The following PTPRT variants were observed in gnomAD, a reference collection of about 807,000 sequenced individuals.
PTPRT encodes receptor-type tyrosine-protein phosphatase T.
A neutral mutation model predicts 176.8 loss-of-function variants in PTPRT; 56 were observed. The ratio of observed to expected loss-of-function variants is 0.32; its 90% CI spans 0.26 to 0.40. PTPRT has a LOEUF of 0.40. Among genes scored for constraint, PTPRT ranks in the 10% least tolerant of loss-of-function variants. The probability of loss-of-function intolerance (pLI) is 1.00; values close to 1 mark genes in which losing one functional copy is unlikely to be tolerated. For missense variants in PTPRT, 1,540 were observed against 1,908.2 expected, an observed-to-expected ratio of 0.81 and a Z score of 3.60; for synonymous variants, 783 against 739.0, an observed-to-expected ratio of 1.06 and a Z score of -0.96.
Position 42,963,690 on chromosome 20 carries a change from G to GTTATA in PTPRT, c.89-77759_89-77758insTATAA, listed in dbSNP as rs1982136863. On this transcript the variant is annotated intron_variant, in intron 1 of 30. Coordinates refer to ENST00000373187, the MANE Select transcript of PTPRT (RefSeq NM_007050.6). The stretch of plus-strand genomic sequence containing the variant: ...TTACCATTAACAACTGAGAAAATGA[G>GTTATA]TAAGGCTTATATAAGGGTAGGTCAA... 2.0e-5 allele frequency among the ~76,000 whole-genome samples: 3 copies of GTTATA among 152,198 alleles called. No homozygotes were observed. The East Asian group carries it at 5.8e-4, about 29-fold the overall frequency.
the PTPRT span, among the ~76,000 whole-genome samples, chr20:42,049,019 C>T: frequency 6.6e-6 from 1 of 152,138 alleles, no homozygotes; most frequent in African/African-American, 2.4e-5. Flanking sequence ...TGGGGTTTCA[C>T]CATGTTGGTC....
chr20:42,350,229 T>TGTTGGTTTG (rs760600952), intron 11 of PTPRT, among the ~76,000 whole-genome samples: 1 of 96,120 alleles, frequency 1.0e-5, no homozygotes, highest in Admixed American at 1.3e-4. Context: ...TTTTTTTTTT[T>TGTTGGTTTG]TTTTTTTTTT....
chr20:42,239,176 G>T (rs1568698477), intron 14 of PTPRT, among the ~76,000 whole-genome samples: 1 of 151,970 alleles, frequency 6.6e-6, no homozygotes, highest in African/African-American at 2.4e-5. Flanking sequence ...ACCTCTTTAG[G>T]AATAATAAAA....
intron 17 of PTPRT, among the ~76,000 whole-genome samples, chr20:42,160,841 A>T (rs906770927): frequency 6.6e-5 from 10 of 152,180 alleles, no homozygotes; most frequent in African/African-American, 2.4e-4. Flanking sequence ...GTCACTGGAG[A>T]TGAAGCATTG....
chr20:42,706,165 C>G (rs1337565374), intron 6 of PTPRT, among the ~76,000 whole-genome samples: 26 of 143,258 alleles, frequency 1.8e-4, no homozygotes, highest in African/African-American at 7.1e-4. Flanking sequence ...CTTTATCTCT[C>G]TCTCTCTCTC....
intron 7 of PTPRT, among the ~76,000 whole-genome samples, chr20:42,640,063 A>T (rs993845647): frequency 2.0e-5 from 3 of 152,104 alleles, no homozygotes; most frequent in Non-Finnish European, 4.4e-5. Context: ...GATGGAGTTC[A>T]TTCTTTACCT....
At chr20:42,730,474 T>G (rs538556179) in intron 6 of PTPRT, among the ~76,000 whole-genome samples, 1 of 152,242 alleles carries the variant, frequency 6.6e-6, no homozygotes, top group African/African-American at 2.4e-5. Flanking sequence ...GCCAAGAGAC[T>G]TTCTCATTTT....
intron 1 of PTPRT, among the ~76,000 whole-genome samples, chr20:42,985,565 C>T (rs377072449): frequency 3.7e-4 from 56 of 152,214 alleles, no homozygotes; most frequent in African/African-American, 1.3e-3. Context: ...GAACCAAGAC[C>T]CCTGCTCTTG....
chr20:42,206,422 C>A (rs544260994), intron 15 of PTPRT, among the ~76,000 whole-genome samples: 64 of 152,296 alleles, frequency 4.2e-4, no homozygotes, highest in African/African-American at 1.4e-3. Context: ...TCAGTGGGTG[C>A]GCGCACCATG....
intron 8 of PTPRT, among the ~76,000 whole-genome samples, chr20:42,457,311 C>T (rs2070940946): frequency 6.6e-6 from 1 of 152,160 alleles, no homozygotes; most frequent in African/African-American, 2.4e-5. Context: ...AATACCTTTA[C>T]AATCTTAACT....
chr20:42,429,076 C>T (rs1470506071), intron 9 of PTPRT, among the ~76,000 whole-genome samples: 3 of 152,158 alleles, frequency 2.0e-5, no homozygotes, highest in Admixed American at 6.5e-5. Context: ...GCTTTGTATT[C>T]ACACTTAGTA....
At chr20:42,586,782 A>G (rs1229391604) in intron 7 of PTPRT, among the ~76,000 whole-genome samples, 1 of 152,092 alleles carries the variant, frequency 6.6e-6, no homozygotes, top group African/African-American at 2.4e-5. Context: ...TCTACAGCTG[A>G]ATAATAGTTT....
intron 1 of PTPRT, among the ~76,000 whole-genome samples, chr20:42,961,680 A>C (rs1981992710): frequency 6.6e-6 from 1 of 152,178 alleles, no homozygotes; most frequent in Admixed American, 6.5e-5. Context: ...AGGGAGGGGT[A>C]CTGTGGTCAG....
intron 1 of PTPRT, among the ~76,000 whole-genome samples, chr20:43,123,154 C>G (rs139895389): frequency 2.0e-5 from 3 of 152,238 alleles, no homozygotes; most frequent in Admixed American, 2.0e-4. Context: ...GCACCCGGCC[C>G]CCTGGTATTT....
At chr20:42,054,161 C>T in the PTPRT span, among the ~76,000 whole-genome samples, 12 of 152,264 alleles carry the variant, frequency 7.9e-5, no homozygotes, top group South Asian at 2.5e-3. Flanking sequence ...CCTGATGGTC[C>T]ATTGCCAGGC....
At chr20:42,752,321 T>C (rs75255109) in intron 6 of PTPRT, among the ~76,000 whole-genome samples, 1,739 of 152,356 alleles carry the variant, frequency 0.011, 35 homozygotes, top group African/African-American at 0.04. Context: ...CATTATCACA[T>C]GTCATCCTCA....
At chr20:43,074,245 G>A (rs6016945) in intron 1 of PTPRT, among the ~76,000 whole-genome samples, 98,515 of 152,072 alleles carry the variant, frequency 0.65, 32,963 homozygotes, top group East Asian at 0.82. Flanking sequence ...AAAATCTGCC[G>A]ACACACACTT....
chr20:42,356,177 G>A (rs530645499), intron 9 of PTPRT, among the ~76,000 whole-genome samples: 158 of 152,220 alleles, frequency 1.0e-3, no homozygotes, highest in Non-Finnish European at 1.9e-3. Context: ...GGCTGTAAAC[G>A]TATAATATAA....
At chr20:42,060,289 C>T in the PTPRT span, among the ~76,000 whole-genome samples, 2 of 152,268 alleles carry the variant, frequency 1.3e-5, no homozygotes, top group East Asian at 3.9e-4. Context: ...ATCTGAAAGG[C>T]AAGAGCTTAA....
Sources: gnomAD v4.1 joint callset for allele counts (sites outside exome capture counted in the v4.1 genomes callset) on GRCh38, gnomAD v4.1.1 for gene constraint, MANE v1.5 for transcripts, NCBI Gene and HGNC (gene_info 2026-07-23, HGNC 2026-07-21) for gene names.